Variants in PALLD observed in about 807,000 individuals in gnomAD.
The protein encoded by PALLD is palladin.
PALLD carries 61 observed loss-of-function variants against 123.5 expected under a neutral mutation model. The ratio of observed to expected loss-of-function variants is 0.49; its 90% CI spans 0.40 to 0.61. PALLD has a LOEUF of 0.61. Ranked by LOEUF, PALLD falls within the 20% of genes least tolerant of loss-of-function variation. PALLD has a pLI of 0.00. For synonymous variants in PALLD, 465 were observed against 496.4 expected (o/e 0.94, Z 0.84); for missense variants, 1,273 against 1,377.0 (o/e 0.92, Z 1.20).
chr4:168,678,785 G>T (rs1457110258), intron 3 of PALLD, among the ~76,000 whole-genome samples: 1 of 151,804 alleles, frequency 6.6e-6, no homozygotes, highest in Admixed American at 6.6e-5. Flanking sequence ...GTGTGTGTGT[G>T]TGTGTGGTGT....
intron 8 of PALLD, among the ~76,000 whole-genome samples, chr4:168,708,682 A>G (rs1458654170): frequency 6.6e-6 from 1 of 152,162 alleles, no homozygotes; most frequent in Non-Finnish European, 1.5e-5. Context: ...CTGACATGCA[A>G]TCAGCTTAAC....
intron 10 of PALLD, among the ~76,000 whole-genome samples, chr4:168,855,591 GACATTATGT>G (rs1748494075): frequency 6.6e-6 from 1 of 152,124 alleles, no homozygotes; most frequent in African/African-American, 2.4e-5. Context: ...GTGTGACCTT[GACATTATGT>G]AATATGAATG....
chr4:168,768,427 AT>A (rs1436385605), intron 10 of PALLD, among the ~76,000 whole-genome samples: 1 of 152,222 alleles, frequency 6.6e-6, no homozygotes, highest in Non-Finnish European at 1.5e-5. Flanking sequence ...AGACGGTGGA[AT>A]AAAGGTCAAG....
At chr4:168,505,195 C>A (rs1421974372) in intron 1 of PALLD, among the ~76,000 whole-genome samples, 1 of 152,168 alleles carries the variant, frequency 6.6e-6, no homozygotes, top group Non-Finnish European at 1.5e-5. Flanking sequence ...AACTGGCTTG[C>A]AAATTAAGCC....
chr4:168,800,271 A>T (rs1739134678), intron 10 of PALLD, among the ~76,000 whole-genome samples: 1 of 152,298 alleles, frequency 6.6e-6, no homozygotes, highest in East Asian at 1.9e-4. Context: ...CAAATAAAAA[A>T]ATTCTGATCA....
chr4:168,816,413 A>ATATTTTTTT (rs34003798), intron 10 of PALLD, among the ~76,000 whole-genome samples: 2 of 136,002 alleles, frequency 1.5e-5, no homozygotes, highest in East Asian at 4.3e-4. Context: ...ATATATATAT[A>ATATTTTTTT]TTTTTTTTAA....
intron 1 of PALLD, among the ~76,000 whole-genome samples, chr4:168,502,729 G>A (rs991856941): frequency 7.2e-5 from 11 of 151,982 alleles, no homozygotes; most frequent in South Asian, 2.1e-4. Flanking sequence ...GGGAGACCTC[G>A]TTTCTACAAA....
chr4:168,566,880 G>T (rs866093215), intron 2 of PALLD, among the ~76,000 whole-genome samples: 40 of 152,068 alleles, frequency 2.6e-4, no homozygotes, highest in African/African-American at 8.9e-4. Context: ...GGATAGTGTG[G>T]ATTGGTCAGG....
At chr4:168,567,699 A>G (rs1436679074) in intron 2 of PALLD, among the ~76,000 whole-genome samples, 1 of 151,882 alleles carries the variant, frequency 6.6e-6, no homozygotes, top group Non-Finnish European at 1.5e-5. Context: ...ACTCAGAAAC[A>G]CAAAGTCAAA....
At position 168,668,289 on chromosome 4, in the gene PALLD, G is replaced by A; in HGVS notation, c.1008G>A (p.Glu336=). ...CCCTGATCATAGCAGAGGCCTTTGAGGACGACACAGGTCGCTACACCTGTT... is the reference window on the plus strand; with the variant it reads ...CCCTGATCATAGCAGAGGCCTTTGAAGACGACACAGGTCGCTACACCTGTT... ...LHTLIIAEAF[E]DDTGRYTCLA... is the part of the protein sequence containing the mutation. Residue 336 remains glutamate (E), a synonymous_variant, in exon 3 of 22, where the codon GAG becomes GAA. Transcript: ENST00000505667. The A allele has an allele frequency of 6.2e-7, 1 of 1,614,132 alleles. No homozygotes were observed. The highest frequency in any genetic ancestry group is 1.1e-5 in the South Asian group (1 of 91,056).
At chr4:168,910,096 T>G (rs995005592) in intron 15 of PALLD, among the ~76,000 whole-genome samples, 1 of 152,102 alleles carries the variant, frequency 6.6e-6, no homozygotes, top group African/African-American at 2.4e-5. Flanking sequence ...TTTCTTAAAT[T>G]TGGGAAGTTA....
At chr4:168,795,946 A>T (rs1184822887) in intron 10 of PALLD, among the ~76,000 whole-genome samples, 1 of 152,070 alleles carries the variant, frequency 6.6e-6, no homozygotes, top group Non-Finnish European at 1.5e-5. Context: ...TATAGGGTAT[A>T]TGAGATGTTT....
intron 14 of PALLD, among the ~76,000 whole-genome samples, chr4:168,902,631 G>A (rs368517039): frequency 1.3e-5 from 2 of 152,062 alleles, no homozygotes; most frequent in African/African-American, 4.8e-5. Context: ...CCTGGGCAAC[G>A]GAGCGAGACC....
At chr4:168,591,626 A>T (rs1303671149) in intron 2 of PALLD, among the ~76,000 whole-genome samples, 1 of 152,134 alleles carries the variant, frequency 6.6e-6, no homozygotes, top group Admixed American at 6.5e-5. Context: ...TCACTCAATA[A>T]CATCAACTCA....
chr4:168,500,358 A>G (rs1217468056), intron 1 of PALLD, among the ~76,000 whole-genome samples: 1 of 147,754 alleles, frequency 6.8e-6, no homozygotes, highest in Non-Finnish European at 1.5e-5. Flanking sequence ...GGGTGGTCCC[A>G]TAAGTCTTGT....
At chr4:168,877,916 G>C in intron 10 of PALLD, 1 of 1,481,388 alleles carries the variant, frequency 6.8e-7, no homozygotes, top group Admixed American at 2.2e-5. Flanking sequence ...CTCCCGCTCC[G>C]CCCCCGCCAT....
intron 10 of PALLD, among the ~76,000 whole-genome samples, chr4:168,862,318 T>TA (rs1438102138): frequency 6.6e-5 from 10 of 151,838 alleles, no homozygotes; most frequent in South Asian, 6.3e-4. Flanking sequence ...CTAATTTTTT[T>TA]TTTTATTTTA....
chr4:168,726,798 G>A (rs1352197168), intron 10 of PALLD, among the ~76,000 whole-genome samples: 1 of 152,004 alleles, frequency 6.6e-6, no homozygotes, highest in Non-Finnish European at 1.5e-5. Context: ...GGATACATGT[G>A]CAGGTTTGCT....
intron 2 of PALLD, among the ~76,000 whole-genome samples, chr4:168,595,403 T>C (rs72982749): frequency 4.7e-4 from 71 of 152,280 alleles, no homozygotes; most frequent in African/African-American, 1.6e-3. Context: ...GCCTGTGGTA[T>C]GGTGGGGCCC....
Sources: gnomAD v4.1 joint callset for allele counts (sites outside exome capture counted in the v4.1 genomes callset) on GRCh38, gnomAD v4.1.1 for gene constraint, MANE v1.5 for transcripts, NCBI Gene and HGNC (gene_info 2026-07-23, HGNC 2026-07-21) for gene names.